LMO7: variants seen among roughly 807,000 people sequenced by gnomAD.
LMO7 encodes LIM domain only protein 7.
A neutral mutation model predicts 206.5 loss-of-function variants in LMO7; 120 were observed. The ratio of observed to expected loss-of-function variants is 0.58; its 90% confidence interval spans 0.50 to 0.68. The LOEUF is 0.68. Among genes scored for constraint, LMO7 ranks in the 30% least tolerant of loss-of-function variants. The probability of loss-of-function intolerance (pLI) is 0.00; values close to 1 mark genes in which losing one functional copy is unlikely to be tolerated. For missense variants in LMO7, 1,959 were observed against 1,957.9 expected, an observed-to-expected ratio of 1.00 and a Z score of -0.01; for synonymous variants, 706 against 681.5, an observed-to-expected ratio of 1.04 and a Z score of -0.56.
intron 3 of LMO7, among the ~76,000 whole-genome samples, chr13:75,743,187 CA>C (rs1301073475): frequency 4.2e-4 from 64 of 152,238 alleles, no homozygotes; most frequent in African/African-American, 1.5e-3. Flanking sequence ...GCACACCAGT[CA>C]GAATGGCTAT....
intron 4 of LMO7, among the ~76,000 whole-genome samples, chr13:75,764,339 C>T (rs1367688785): frequency 6.6e-6 from 1 of 152,144 alleles, no homozygotes; most frequent in African/African-American, 2.4e-5. Context: ...TGAGCACATA[C>T]TCTCCACAAA....
In LMO7 at chr13:75,781,576, C is replaced by T. The variant is rs954153722; in HGVS notation, c.318-13825C>T. On this transcript the variant is annotated intron_variant, in intron 4 of 30. Coordinates refer to ENST00000377534, the MANE Select transcript of LMO7 (RefSeq NM_001306080.2). Reference sequence around the variant, plus strand: ...AAGTCTTTGCTATTGTGAATAGTGCCGCAATAAACATACATGTGCATGTGT... The same window carrying T: ...AAGTCTTTGCTATTGTGAATAGTGCTGCAATAAACATACATGTGCATGTGT... 3.6e-4 allele frequency among the ~76,000 whole-genome samples: 54 copies of T among 151,830 alleles called. 1 individual carries two copies. The highest frequency in any genetic ancestry group is 3.3e-3 in the East Asian group (17 of 5,138).
chr13:75,801,411 T>C (rs2761076), intron 7 of LMO7, among the ~76,000 whole-genome samples: 1,872 of 152,296 alleles, frequency 0.012, 48 homozygotes, highest in African/African-American at 0.043. Flanking sequence ...ACTTTGTAGA[T>C]TGAGTAATAT....
intron 1 of LMO7, among the ~76,000 whole-genome samples, chr13:75,637,633 TTTAG>T (rs547679184): frequency 6.6e-5 from 10 of 152,202 alleles, no homozygotes; most frequent in Non-Finnish European, 1.3e-4. Context: ...CACGTGCTGG[TTTAG>T]TTAACATATT....
At position 75,809,173 on chromosome 13, in the gene LMO7, G is replaced by A. The variant is rs1333366519; in HGVS notation, c.1936G>A (p.Gly646Ser). The A allele has an allele frequency of 3.1e-6, 5 of 1,612,250 alleles. No individual in the cohort carries two copies. Among genetic ancestry groups the A allele is most frequent in the Middle Eastern group, 1.7e-4 (1 of 6,054 alleles). Residue 646 changes from glycine to serine, a missense_variant, in exon 11 of 31, where the codon GGT becomes AGT. Physicochemically the swap from Gly to Ser is moderately conservative, Grantham distance 56. Coordinates refer to ENST00000377534, the MANE Select transcript of LMO7 (RefSeq NM_001306080.2). Reference sequence around the variant, plus strand: ...TCTTAGACTCTTTCAAAAGATTTATGGTGAGAATGGGTAAGTTGTGTGGTT... The same window carrying A: ...TCTTAGACTCTTTCAAAAGATTTATAGTGAGAATGGGTAAGTTGTGTGGTT... ...MVERLFQKIY[G>S]ENGSKSMSDV...
chr13:75,646,496 A>G (rs1012943488), intron 1 of LMO7, among the ~76,000 whole-genome samples: 3 of 151,940 alleles, frequency 2.0e-5, no homozygotes, highest in Admixed American at 6.6e-5. Flanking sequence ...CGGCTTGCCT[A>G]TCTCATCTCC....
chr13:75,792,209 C>T (rs1485276227), intron 4 of LMO7, among the ~76,000 whole-genome samples: 1 of 152,144 alleles, frequency 6.6e-6, no homozygotes, highest in East Asian at 1.9e-4. Context: ...CTCAAGCGAT[C>T]CTCCCATCTT....
intron 4 of LMO7, among the ~76,000 whole-genome samples, chr13:75,773,926 C>T (rs1014445665): frequency 6.6e-6 from 1 of 150,856 alleles, no homozygotes; most frequent in Non-Finnish European, 1.5e-5. Context: ...CCTGGTGTTG[C>T]TTTTTTTTTG....
At chr13:75,662,553 A>C (rs2038701732) in intron 1 of LMO7, among the ~76,000 whole-genome samples, 1 of 152,168 alleles carries the variant, frequency 6.6e-6, no homozygotes, top group African/African-American at 2.4e-5. Flanking sequence ...GCCTGAGCTC[A>C]AGCAATCTGC....
Position 75,858,032 on chromosome 13 carries a change from T to C in LMO7, c.*89T>C. ...TCTATAAATATGTGTTGTATGTCTT[T>C]TTTGCTTTTTTTTTAAAAAAAAGAA... is the stretch of plus-strand genomic sequence containing the variant. On this transcript the variant is annotated 3_prime_UTR_variant, in exon 31 of 31. Coordinates refer to ENST00000377534, the MANE Select transcript of LMO7 (RefSeq NM_001306080.2). 6.6e-7 allele frequency: 1 copy of C among 1,504,686 alleles called. No individual in the cohort carries two copies. Among genetic ancestry groups the C allele is most frequent in the Admixed American group, 2.1e-5 (1 of 47,752 alleles). The allele number at this position is 1,504,686 out of a possible 1,614,324, so 93.2% of individuals were successfully genotyped here. A position where few individuals can be genotyped will look rare whatever the true frequency, so the allele number is the denominator to read the frequency against.
Position 75,713,270 on chromosome 13 carries a change from T to G in LMO7, c.140+18T>G. ...CTGTGTGAGTAAGTATTTAAAGTATTTAAAAAATAATTCAAAAGCAAAGAT... is the reference window on the plus strand; with the variant it reads ...CTGTGTGAGTAAGTATTTAAAGTATGTAAAAAATAATTCAAAAGCAAAGAT... On this transcript the variant is annotated intron_variant, in intron 2 of 30. Coordinates refer to ENST00000377534, the MANE Select transcript of LMO7 (RefSeq NM_001306080.2). The G allele has an allele frequency of 6.3e-7, 1 of 1,578,516 alleles. No individual in the cohort carries two copies. Among genetic ancestry groups the G allele is most frequent in the Non-Finnish European group, 8.7e-7 (1 of 1,155,990 alleles).
At chr13:75,645,253 T>A (rs1032512066) in intron 1 of LMO7, among the ~76,000 whole-genome samples, 2 of 152,238 alleles carry the variant, frequency 1.3e-5, no homozygotes, top group Admixed American at 6.5e-5. Flanking sequence ...GTTTTAGGCT[T>A]GTTAGTACCA....
At position 75,807,610 on chromosome 13, in the gene LMO7, G is replaced by A; in HGVS notation, c.1327G>A (p.Gly443Ser). Reference protein sequence around the residue: ...TRRKNLSYAPGYRRDDLEMAA... With the variant: ...TRRKNLSYAPSYRRDDLEMAA... ...CAGGAAGAATCTCTCTTATGCACCA[G>A]GCTATAGAAGAGATGACCTCGAGAT... The change falls in exon 10 of 31, where the codon GGC becomes AGC. Residue 443 changes from glycine to serine, a missense_variant. Gly to Ser is a moderately conservative substitution (Grantham distance 56, BLOSUM62 0). Transcript: ENST00000377534. The A allele has an allele frequency of 1.2e-6, 2 of 1,613,964 alleles. No individual in the cohort carries two copies. Among genetic ancestry groups the A allele is most frequent in the Non-Finnish European group, 1.7e-6 (2 of 1,179,886 alleles).
At chr13:75,784,266 C>T (rs964400532) in intron 4 of LMO7, among the ~76,000 whole-genome samples, 5 of 152,094 alleles carry the variant, frequency 3.3e-5, no homozygotes, top group African/African-American at 1.2e-4. Context: ...TAACCTTTGG[C>T]ATAAATCAAA....
chr13:75,823,750 A>T lies in LMO7; in HGVS notation c.2826A>T (p.Ser942=). ...TGCCCTCTCCTACATCCCCCTTCTC[A>T]TCTCTTTCCCAAGACCAGGCTGCCA... ...TRLPSPTSPF[S]SLSQDQAATS... is the part of the protein sequence containing the mutation. The change falls in exon 15 of 31, where the codon TCA becomes TCT. Residue 942 remains serine (S), a synonymous_variant. Transcript: ENST00000377534. 1 of 1,614,114 alleles carries T rather than the reference A, an allele frequency of 6.2e-7. No homozygotes were observed. Among genetic ancestry groups the T allele is most frequent in the Non-Finnish European group, 8.5e-7 (1 of 1,180,000 alleles).
chr13:75,686,031 C>T (rs2040956137), intron 1 of LMO7, among the ~76,000 whole-genome samples: 1 of 151,692 alleles, frequency 6.6e-6, no homozygotes, highest in Non-Finnish European at 1.5e-5. Flanking sequence ...TGCATGACCA[C>T]TCCTGGCTAA....
rs559957190 is a variant in LMO7, at chr13:75,688,603, C to G, written c.70-24579C>G. 1.1e-3 allele frequency: 173 copies of G among 152,454 alleles called. 1 individual carries two copies. Among genetic ancestry groups the G allele is most frequent in the African/African-American group, 3.9e-3 (164 of 41,542 alleles). The allele number at this position is 152,454 out of a possible 1,614,324, so 9.4% of individuals were successfully genotyped here. A position where few individuals can be genotyped will look rare whatever the true frequency, so the allele number is the denominator to read the frequency against. On this transcript the variant is annotated intron_variant, in intron 1 of 30. Transcript: ENST00000377534. ...TTCCCATCTATTCTTTGCATTAACC[C>G]CCCATGGAAGTTTCTTCTTTTTCTG...
At chr13:75,763,111 G>A (rs1416567551) in intron 4 of LMO7, among the ~76,000 whole-genome samples, 1 of 152,192 alleles carries the variant, frequency 6.6e-6, no homozygotes, top group Non-Finnish European at 1.5e-5. Context: ...AGGACTTAGT[G>A]TTGGTTAGAT....
At chr13:75,772,852 C>T (rs1265986278) in intron 4 of LMO7, among the ~76,000 whole-genome samples, 2 of 152,056 alleles carry the variant, frequency 1.3e-5, no homozygotes, top group East Asian at 3.9e-4. Flanking sequence ...CTTCAATGTG[C>T]ATGGAAAACA....
Sources: gnomAD v4.1 joint callset for allele counts (sites outside exome capture counted in the v4.1 genomes callset) on GRCh38, gnomAD v4.1.1 for gene constraint, MANE v1.5 for transcripts, NCBI Gene and HGNC (gene_info 2026-07-23, HGNC 2026-07-21) for gene names.